Variants in PPFIBP2 observed in about 807,000 individuals in gnomAD.
PPFIBP2 encodes the protein PPFIB scaffold protein 2.
A neutral mutation model predicts 118.3 loss-of-function variants in PPFIBP2; 118 were observed. The observed-to-expected ratio is 1.00, with a 90% CI of 0.86 to 1.16. The LOEUF (loss-of-function observed/expected upper bound fraction) is 1.16. PPFIBP2 is among the 50% of genes most tolerant of loss of function. The pLI is 0.00. For missense variants in PPFIBP2, 1,195 were observed against 1,073.1 expected (o/e 1.11, Z -1.59); for synonymous variants, 414 against 397.4 (o/e 1.04, Z -0.50).
chr11:7,549,689 CT>C (rs1178099820), intron 2 of PPFIBP2, 150 bp downstream of exon 2: 5 of 816,524 alleles, frequency 6.1e-6, no homozygotes, highest in Non-Finnish European at 7.4e-6. Context: ...TATGTAATCT[CT>C]TTTTTTTCTT....
chr11:7,653,637 G>GCCCA lies in PPFIBP2; in HGVS notation c.*419_*420insCCCA, dbSNP rs1854402254. 4.6e-6 allele frequency: 6 copies of GCCCA among 1,293,950 alleles called. No homozygotes were observed. Among genetic ancestry groups the GCCCA allele is most frequent in the Non-Finnish European group, 5.0e-6 (5 of 992,190 alleles). 80.2% of individuals were successfully genotyped at this position (1,293,950 alleles called of 1,614,324 possible). A position where few individuals can be genotyped will look rare whatever the true frequency, so the allele number is the denominator to read the frequency against. ...CCTTAGGCCCGTGGACCACAGTCTT[G>GCCCA]GCTGAGATCAAAGGGATGAGCAACA... On this transcript the variant is annotated 3_prime_UTR_variant, in exon 24 of 24. Coordinates refer to ENST00000299492, the MANE Select transcript of PPFIBP2 (RefSeq NM_003621.5).
chr11:7,666,260 CTTA>C, the PPFIBP2 span: 1 of 598,874 alleles, frequency 1.7e-6, no homozygotes, highest in Non-Finnish European at 3.0e-6. Context: ...CTCGATTGCC[CTTA>C]AAAGCAGGCC....
chr11:7,573,301 C>A (rs528836548), intron 3 of PPFIBP2, among the ~76,000 whole-genome samples: 40 of 152,332 alleles, frequency 2.6e-4, no homozygotes, highest in African/African-American at 9.4e-4. Flanking sequence ...ATTAGCAAAC[C>A]ATGGCCCACA....
chr11:7,599,129 T>C (rs939906448), intron 5 of PPFIBP2, among the ~76,000 whole-genome samples: 1 of 151,998 alleles, frequency 6.6e-6, no homozygotes, highest in African/African-American at 2.4e-5. Flanking sequence ...ATCTTTCTTT[T>C]GAAGACCCAG....
At chr11:7,571,726 A>T (rs1855671239) in intron 3 of PPFIBP2, 1 of 152,074 alleles carries the variant, frequency 6.6e-6, no homozygotes, top group African/African-American at 2.4e-5. Context: ...TGAGTGAGAG[A>T]TGAGAAAGGA....
intron 2 of PPFIBP2, among the ~76,000 whole-genome samples, chr11:7,565,259 C>A (rs753867356): frequency 2.6e-4 from 39 of 152,240 alleles, no homozygotes; most frequent in South Asian, 1.5e-3. Flanking sequence ...TCCAGGTGGC[C>A]TTCCAGGTTT....
Position 7,653,153 on chromosome 11 carries a change from C to T in PPFIBP2, c.2566C>T (p.Arg856Trp), listed in dbSNP as rs143193820. 182 of 1,614,042 alleles carry T rather than the reference C, an allele frequency of 1.1e-4. No individual in the cohort carries two copies. Among genetic ancestry groups the T allele is most frequent in the Non-Finnish European group, 1.4e-4 (170 of 1,180,038 alleles). ...TAGTCACAGGGTCTACAGTGGCTAC[C>T]GGGGCCTCAGCCCCCTTGATGCCCC... is the stretch of plus-strand genomic sequence containing the variant. Reference protein sequence around the residue: ...SDSHRVYSGYRGLSPLDAPEL... With the variant: ...SDSHRVYSGYWGLSPLDAPEL... The change falls in exon 24 of 24, where the codon CGG (arginine) becomes TGG (tryptophan). Residue 856 changes from arginine (R) to tryptophan (W), a missense_variant. Transcript: ENST00000299492.
intron 2 of PPFIBP2, among the ~76,000 whole-genome samples, chr11:7,558,840 T>A (rs1400033225): frequency 6.6e-6 from 1 of 152,218 alleles, no homozygotes; most frequent in African/African-American, 2.4e-5. Context: ...AAAATAATTA[T>A]TAAATCTTCA....
intron 1 of PPFIBP2, among the ~76,000 whole-genome samples, chr11:7,523,315 T>G (rs1278021813): frequency 1.3e-5 from 2 of 152,226 alleles, no homozygotes; most frequent in Non-Finnish European, 2.9e-5. Flanking sequence ...TGGTCACTTC[T>G]GTTTCTTGAG....
In PPFIBP2 at chr11:7,642,434, T is replaced by G. The variant is rs755916762; in HGVS notation, c.1646+8T>G. The G allele has an allele frequency of 1.2e-6, 2 of 1,608,256 alleles. No homozygotes were observed. The highest frequency in any genetic ancestry group is 3.4e-5 in the Admixed American group (2 of 59,294). On this transcript the variant is annotated splice_region_variant and intron_variant, in intron 17 of 23. Coordinates refer to ENST00000299492, the MANE Select transcript of PPFIBP2 (RefSeq NM_003621.5). Reference sequence around the variant, plus strand: ...CTCCAAGGGACAGAAAAGGTAAGGCTTGACCCACTTTCCTTTGATCTCCCT... The same window carrying G: ...CTCCAAGGGACAGAAAAGGTAAGGCGTGACCCACTTTCCTTTGATCTCCCT...
chr11:7,611,840 A>G (rs564866604), intron 6 of PPFIBP2, among the ~76,000 whole-genome samples: 39 of 152,364 alleles, frequency 2.6e-4, no homozygotes, highest in African/African-American at 9.1e-4. Flanking sequence ...CATTATTTAC[A>G]TATTGCAAAG....
the PPFIBP2 span, chr11:7,665,192 A>C: frequency 4.0e-6 from 2 of 495,696 alleles, no homozygotes; most frequent in African/African-American, 2.0e-5. Context: ...AGGCCCCAGC[A>C]GCCAGTCTCC....
intron 3 of PPFIBP2, among the ~76,000 whole-genome samples, chr11:7,590,334 A>G (rs918704012): frequency 2.6e-5 from 4 of 152,172 alleles, no homozygotes; most frequent in African/African-American, 9.7e-5. Context: ...CATCTGGAAC[A>G]TTATCTTTCA....
intron 23 of PPFIBP2, 85 bp from the exon 24 acceptor site, chr11:7,652,939 G>A (rs1314364364): frequency 7.0e-7 from 1 of 1,427,208 alleles, no homozygotes; most frequent in African/African-American, 1.4e-5. Context: ...TTGAGTGCCT[G>A]CTCTTAAATT....
At chr11:7,542,368 G>T (rs1266279078) in intron 1 of PPFIBP2, among the ~76,000 whole-genome samples, 3 of 152,176 alleles carry the variant, frequency 2.0e-5, no homozygotes, top group Non-Finnish European at 4.4e-5. Flanking sequence ...TGCCTGCCAT[G>T]CCACATGTAT....
chr11:7,562,932 TATATATATATATATATATA>T (rs1854473511), intron 2 of PPFIBP2, among the ~76,000 whole-genome samples: 70 of 3,624 alleles, frequency 0.019, no homozygotes, highest in African/African-American at 0.11. Context: ...TAAAGTTTTA[TATATATATATATATATATA>T]TATATATATA....
At position 7,641,516 on chromosome 11, in the gene PPFIBP2, C is replaced by T. The variant is rs755716889; in HGVS notation, c.1413C>T (p.Val471=). 1.2e-6 allele frequency: 2 copies of T among 1,613,692 alleles called. No homozygotes were observed. Among genetic ancestry groups the T allele is most frequent in the Non-Finnish European group, 1.7e-6 (2 of 1,179,666 alleles). Residue 471 remains valine, a synonymous_variant, in exon 16 of 24, where the codon GTC becomes GTT. Transcript: ENST00000299492. ...TESGWDDTAV[V]NDLSSTSSGT... is the part of the protein sequence containing the mutation. The stretch of plus-strand genomic sequence containing the variant: ...GTGGCTGGGACGACACTGCTGTGGT[C>T]AATGACCTCTCATCCACATCATCGG...
intron 1 of PPFIBP2, among the ~76,000 whole-genome samples, chr11:7,515,377 T>C (rs1290411134): frequency 3.9e-5 from 6 of 152,222 alleles, no homozygotes; most frequent in Non-Finnish European, 8.8e-5. Context: ...GATGCCTTCT[T>C]TACTGGGTAG....
In PPFIBP2 at chr11:7,540,398, T is replaced by C. The variant is rs1851659141; in HGVS notation, c.-36-9042T>C. ...TTACCGGATCTGGTGCCCAGTTGGA[T>C]GTGGGTAACAAAAGGGAAGGTCCAA... On this transcript the variant is annotated intron_variant, in intron 1 of 23. Coordinates refer to ENST00000299492, the MANE Select transcript of PPFIBP2 (RefSeq NM_003621.5). Among the ~76,000 whole-genome samples the C allele has an allele frequency of 2.0e-5, 3 of 152,026 alleles. 1 individual carries two copies. The South Asian group carries it at 6.2e-4, about 32-fold the overall frequency.
Sources: allele counts gnomAD v4.1 joint callset (sites outside exome capture counted in the v4.1 genomes callset), GRCh38; gene constraint gnomAD v4.1.1; transcripts MANE v1.5; gene names NCBI Gene and HGNC (gene_info 2026-07-23, HGNC 2026-07-21).